The following OR52N4 variants were observed in gnomAD, a reference collection of about 807,000 sequenced individuals.
OR52N4 encodes olfactory receptor 52N4.
In OR52N4, 15 loss-of-function variants were observed where a neutral mutation model predicts 15.0. The ratio of observed to expected loss-of-function variants is 1.00; its 90% CI spans 0.67 to 1.54. OR52N4 has a LOEUF of 1.54. Ranked by LOEUF, OR52N4 falls within the 40% of genes most tolerant of loss-of-function variation. The pLI is 0.00. For synonymous variants in OR52N4, 143 were observed against 143.7 expected (o/e 1.00, Z 0.03); for missense variants, 421 against 394.0 (o/e 1.07, Z -0.58).
the OR52N4 span, chr11:5,726,694 T>A: frequency 6.6e-6 from 1 of 152,652 alleles, no homozygotes; most frequent in Admixed American, 6.5e-5. Context: ...TGTACCTTTT[T>A]CTGTGCATGC....
At chr11:5,741,213 G>A in the OR52N4 span, among the ~76,000 whole-genome samples, 1 of 152,340 alleles carries the variant, frequency 6.6e-6, no homozygotes, top group African/African-American at 2.4e-5. Context: ...GCATGAACAA[G>A]CTGCAAGAAT....
chr11:5,755,467 T>G lies in OR52N4; in HGVS notation c.727T>G (p.Cys243Gly). ...ADARQKAFNT[C>G]TAHICAIVFS... ...TGCTCGGCAGAAGGCCTTTAATACCTGCACTGCCCACATTTGTGCCATTGT... is the reference window on the plus strand; with the variant it reads ...TGCTCGGCAGAAGGCCTTTAATACCGGCACTGCCCACATTTGTGCCATTGT... Residue 243 changes from cysteine (C) to glycine (G), a missense_variant, in exon 2 of 2, where the codon TGC becomes GGC. Cys to Gly is a radical substitution (Grantham distance 159). Transcript: ENST00000641350. The G allele has an allele frequency of 6.2e-7, 1 of 1,614,098 alleles. No homozygotes were observed.
At chr11:5,737,585 A>C in the OR52N4 span, 2 of 1,166,810 alleles carry the variant, frequency 1.7e-6, no homozygotes, top group Non-Finnish European at 2.4e-6. Flanking sequence ...TACCTTTGGG[A>C]TTCCCTTTTT....
upstream of OR52N4, among the ~76,000 whole-genome samples, chr11:5,752,855 A>G (rs1042250320): frequency 8.5e-5 from 13 of 152,162 alleles, no homozygotes; most frequent in South Asian, 2.1e-4. Flanking sequence ...ATAGCACAGA[A>G]TAATTTGATC....
chr11:5,726,702 T>C, the OR52N4 span: 11 of 152,778 alleles, frequency 7.2e-5, no homozygotes, highest in African/African-American at 2.7e-4. Flanking sequence ...TTTCTGTGCA[T>C]GCTCTCAACC....
the OR52N4 span, chr11:5,736,720 G>A: frequency 6.2e-7 from 1 of 1,613,982 alleles, no homozygotes. Flanking sequence ...AGCAGCCCAT[G>A]TATATTTTCC....
the OR52N4 span, among the ~76,000 whole-genome samples, chr11:5,730,945 C>T: frequency 6.6e-6 from 1 of 151,990 alleles, no homozygotes; most frequent in South Asian, 2.1e-4. Context: ...CTGATGATAT[C>T]ATCTTGAACT....
chr11:5,743,877 A>C, the OR52N4 span, among the ~76,000 whole-genome samples: 1 of 152,170 alleles, frequency 6.6e-6, no homozygotes, highest in Non-Finnish European at 1.5e-5. Context: ...ATAAAGAACA[A>C]ATATCAGAGA....
At chr11:5,743,595 C>T in the OR52N4 span, among the ~76,000 whole-genome samples, 466 of 152,164 alleles carry the variant, frequency 3.1e-3, 11 homozygotes, top group Admixed American at 0.028. Context: ...CAAAAATATA[C>T]AAATACTTGG....
At chr11:5,743,127 A>G in the OR52N4 span, among the ~76,000 whole-genome samples, 1 of 147,820 alleles carries the variant, frequency 6.8e-6, no homozygotes, top group Admixed American at 6.9e-5. Flanking sequence ...TATAAACAAC[A>G]GTGAAATAAG....
the OR52N4 span, among the ~76,000 whole-genome samples, chr11:5,731,235 T>C: frequency 1.3e-5 from 2 of 152,216 alleles, no homozygotes; most frequent in African/African-American, 4.8e-5. Flanking sequence ...TATTACTTCA[T>C]ATTCTGCAGT....
chr11:5,744,267 C>A, the OR52N4 span, among the ~76,000 whole-genome samples: 1 of 152,154 alleles, frequency 6.6e-6, no homozygotes, highest in African/African-American at 2.4e-5. Flanking sequence ...CAATCAAATT[C>A]TACCAGACAT....
At chr11:5,739,780 C>T in the OR52N4 span, among the ~76,000 whole-genome samples, 1 of 128,246 alleles carries the variant, frequency 7.8e-6, no homozygotes, top group African/African-American at 2.8e-5. Flanking sequence ...GATGCATCTG[C>T]ACCTTCACAC....
chr11:5,755,081 C>A lies in OR52N4; in HGVS notation c.341C>A (p.Ser114Tyr). The A allele has an allele frequency of 6.2e-7, 1 of 1,614,044 alleles. No individual in the cohort carries two copies. Among genetic ancestry groups the A allele is most frequent in the Non-Finnish European group, 8.5e-7 (1 of 1,179,978 alleles). Residue 114 changes from serine (S) to tyrosine (Y), a missense_variant, in exon 2 of 2, where the codon TCT (serine) becomes TAT (tyrosine). Ser to Tyr is a moderately radical substitution (Grantham distance 144). Coordinates refer to ENST00000641350, the MANE Select transcript of OR52N4 (RefSeq NM_001005175.5). ...ACCCACACCTTCACAGGGATGGAGT[C>A]TGGGGTGCTTATGCTTATGGCCCTG... ...FFTHTFTGME[S>Y]GVLMLMALDR...
At chr11:5,752,867 G>A (rs916874483), upstream of OR52N4, among the ~76,000 whole-genome samples, 6 of 151,928 alleles carry the variant, frequency 3.9e-5, no homozygotes, top group East Asian at 1.9e-4. Flanking sequence ...AATTTGATCC[G>A]TTTTTGTATT....
At chr11:5,750,872 T>A (rs757410383), upstream of OR52N4, among the ~76,000 whole-genome samples, 9 of 152,040 alleles carry the variant, frequency 5.9e-5, no homozygotes, top group Non-Finnish European at 1.0e-4. Context: ...TTTGAACCAT[T>A]CACTTACCTT....
the OR52N4 span, among the ~76,000 whole-genome samples, chr11:5,740,983 T>G: frequency 7.1e-5 from 9 of 127,234 alleles, 2 homozygotes; most frequent in Admixed American, 2.3e-4. Context: ...TCTGAAAGGA[T>G]GACCTTGAAG....
chr11:5,732,938 C>T, the OR52N4 span, among the ~76,000 whole-genome samples: 7 of 152,086 alleles, frequency 4.6e-5, no homozygotes, highest in African/African-American at 2.4e-5. Flanking sequence ...TGACATATTC[C>T]ATTCCAGTGC....
At chr11:5,751,831 A>G (rs1251801202), upstream of OR52N4, among the ~76,000 whole-genome samples, 1 of 152,166 alleles carries the variant, frequency 6.6e-6, no homozygotes, top group African/African-American at 2.4e-5. Context: ...TATTAAAGAG[A>G]ATAATTGTTT....
Sources: gnomAD v4.1 joint callset for allele counts (sites outside exome capture counted in the v4.1 genomes callset) on GRCh38, gnomAD v4.1.1 for gene constraint, MANE v1.5 for transcripts, NCBI Gene and HGNC (gene_info 2026-07-23, HGNC 2026-07-21) for gene names.